Variants in GRIK2 observed in about 807,000 individuals in gnomAD.
The protein encoded by GRIK2 is glutamate receptor ionotropic, kainate 2.
Under a neutral mutation model 100.3 loss-of-function variants are expected in GRIK2, and 32 were observed. The observed-to-expected ratio is 0.32, with a 90% CI of 0.24 to 0.43. GRIK2 has a LOEUF of 0.43. Ranked by LOEUF, GRIK2 falls within the 20% of genes least tolerant of loss-of-function variation. GRIK2 has a pLI of 1.00. For missense variants in GRIK2, 843 were observed against 1,114.9 expected, an observed-to-expected ratio of 0.76 and a Z score of 3.47; for synonymous variants, 417 against 389.4, an observed-to-expected ratio of 1.07 and a Z score of -0.83.
At chr6:101,712,727 T>A (rs1653855278) in intron 7 of GRIK2, among the ~76,000 whole-genome samples, 1 of 151,782 alleles carries the variant, frequency 6.6e-6, no homozygotes, top group Non-Finnish European at 1.5e-5. Context: ...CTCAAATGCA[T>A]CCAGTATCAT....
intron 14 of GRIK2, among the ~76,000 whole-genome samples, chr6:101,955,502 C>CA (rs200774906): frequency 2.3e-4 from 34 of 149,680 alleles, no homozygotes; most frequent in African/African-American, 7.2e-4. Context: ...AAAAGAGAAA[C>CA]AAAAAAAAGC....
At chr6:101,644,165 AT>A (rs1353692356) in intron 4 of GRIK2, among the ~76,000 whole-genome samples, 1 of 151,850 alleles carries the variant, frequency 6.6e-6, no homozygotes, top group African/African-American at 2.4e-5. Flanking sequence ...AGTGTTACAA[AT>A]AAATTACAGT....
chr6:101,766,394 T>C (rs1040548360), intron 7 of GRIK2, among the ~76,000 whole-genome samples: 1 of 152,180 alleles, frequency 6.6e-6, no homozygotes, highest in African/African-American at 2.4e-5. Context: ...AATGATATCC[T>C]GAAGAGTTCC....
At chr6:101,447,678 T>C (rs1035144222) in intron 2 of GRIK2, among the ~76,000 whole-genome samples, 6 of 151,710 alleles carry the variant, frequency 4.0e-5, no homozygotes, top group African/African-American at 1.4e-4. Flanking sequence ...CACAGATTGA[T>C]TTTTATTTAT....
At chr6:102,026,479 T>C (rs1030298163) in intron 14 of GRIK2, among the ~76,000 whole-genome samples, 10 of 151,048 alleles carry the variant, frequency 6.6e-5, no homozygotes, top group Admixed American at 2.7e-4. Context: ...TGGCTATTAT[T>C]TATAAGAAAA....
chr6:101,466,801 C>T (rs1771673260), intron 2 of GRIK2, among the ~76,000 whole-genome samples: 1 of 152,132 alleles, frequency 6.6e-6, no homozygotes, highest in Admixed American at 6.6e-5. Flanking sequence ...TAGCAGGAAA[C>T]TCCTGCAGAT....
At chr6:101,739,856 A>G (rs920252555) in intron 7 of GRIK2, among the ~76,000 whole-genome samples, 5 of 152,098 alleles carry the variant, frequency 3.3e-5, no homozygotes, top group African/African-American at 9.7e-5. Context: ...TCTGTAAGAC[A>G]TGGCCTAACC....
chr6:101,882,337 G>T (rs6570996), intron 11 of GRIK2, among the ~76,000 whole-genome samples: 12,801 of 152,062 alleles, frequency 0.084, 1,244 homozygotes, highest in East Asian at 0.51. Flanking sequence ...AATCAGATTT[G>T]GGTGGGGAAT....
At chr6:101,546,105 A>C (rs191256133) in intron 2 of GRIK2, among the ~76,000 whole-genome samples, 1 of 152,168 alleles carries the variant, frequency 6.6e-6, no homozygotes, top group Non-Finnish European at 1.5e-5. Flanking sequence ...TTAGATTTCG[A>C]CTCAAAAGTG....
At chr6:101,710,545 T>A (rs943669739) in intron 7 of GRIK2, among the ~76,000 whole-genome samples, 2 of 151,912 alleles carry the variant, frequency 1.3e-5, no homozygotes, top group Admixed American at 1.3e-4. Flanking sequence ...CTTTTGTAAA[T>A]ATTTTTGTCA....
At chr6:101,641,460 T>C (rs1781274427) in intron 4 of GRIK2, among the ~76,000 whole-genome samples, 1 of 152,000 alleles carries the variant, frequency 6.6e-6, no homozygotes, top group Non-Finnish European at 1.5e-5. Context: ...TAATTCCTTT[T>C]CCAAAAATAT....
chr6:101,990,864 A>G (rs1475806449), intron 14 of GRIK2, among the ~76,000 whole-genome samples: 2 of 151,104 alleles, frequency 1.3e-5, no homozygotes, highest in Admixed American at 6.6e-5. Flanking sequence ...CTTAGAGACT[A>G]TGTCATAAAA....
chr6:101,899,824 A>G (rs1230492783), intron 12 of GRIK2, among the ~76,000 whole-genome samples: 7 of 152,170 alleles, frequency 4.6e-5, no homozygotes, highest in Non-Finnish European at 1.0e-4. Flanking sequence ...ATGCACCTGA[A>G]TATTATTTTA....
chr6:101,767,158 T>C (rs936117422), intron 7 of GRIK2, among the ~76,000 whole-genome samples: 1 of 152,230 alleles, frequency 6.6e-6, no homozygotes, highest in South Asian at 2.1e-4. Flanking sequence ...AAATTTTAAT[T>C]TGCTTTTGGT....
At chr6:102,044,115 A>G (rs1419420141) in intron 15 of GRIK2, among the ~76,000 whole-genome samples, 2 of 152,026 alleles carry the variant, frequency 1.3e-5, no homozygotes, top group Admixed American at 6.6e-5. Context: ...GAAATTCATG[A>G]GCAAAAATGA....
intron 4 of GRIK2, among the ~76,000 whole-genome samples, chr6:101,671,720 C>T (rs1390283411): frequency 1.3e-5 from 2 of 151,998 alleles, no homozygotes; most frequent in Admixed American, 6.6e-5. Flanking sequence ...AAAAATTATC[C>T]GGGTGTGATG....
intron 10 of GRIK2, among the ~76,000 whole-genome samples, chr6:101,835,464 CTTTTTTTTT>C (rs764148146): frequency 2.2e-5 from 2 of 89,020 alleles, no homozygotes; most frequent in Non-Finnish European, 4.0e-5. Flanking sequence ...CTATGAGTTC[CTTTTTTTTT>C]TTTTTTTTTT....
chr6:101,837,290 C>T (rs1012235572), intron 10 of GRIK2, among the ~76,000 whole-genome samples: 4 of 152,052 alleles, frequency 2.6e-5, no homozygotes, highest in Non-Finnish European at 4.4e-5. Context: ...AACTTGCAGT[C>T]GTGTGATGAG....
chr6:101,848,062 C>A (rs1437913512), intron 10 of GRIK2, among the ~76,000 whole-genome samples: 1 of 152,060 alleles, frequency 6.6e-6, no homozygotes. Flanking sequence ...GGTTAAAATA[C>A]GTAACAATTC....
Sources: gnomAD v4.1 joint callset for allele counts (sites outside exome capture counted in the v4.1 genomes callset) on GRCh38, gnomAD v4.1.1 for gene constraint, MANE v1.5 for transcripts, NCBI Gene and HGNC (gene_info 2026-07-23, HGNC 2026-07-21) for gene names.